FAM168A: variants seen among roughly 807,000 people sequenced by gnomAD.
The protein encoded by FAM168A is family with sequence similarity 168 member A.
A neutral mutation model predicts 28.5 loss-of-function variants in FAM168A; 3 were observed. The ratio of observed to expected loss-of-function variants is 0.11; its 90% CI spans 0.05 to 0.27. The LOEUF (loss-of-function observed/expected upper bound fraction) is 0.27. Ranked by LOEUF, FAM168A falls within the 10% of genes least tolerant of loss-of-function variation. The pLI, the probability that FAM168A is intolerant of heterozygous loss-of-function variation, is 1.00. For missense variants in FAM168A, 222 were observed against 311.5 expected, an observed-to-expected ratio of 0.71 and a Z score of 2.16; for synonymous variants, 122 against 124.2, an observed-to-expected ratio of 0.98 and a Z score of 0.12.
intron 1 of FAM168A, among the ~76,000 whole-genome samples, chr11:73,570,704 A>G (rs545171431): frequency 6.6e-6 from 1 of 151,682 alleles, no homozygotes; most frequent in Admixed American, 6.6e-5. Flanking sequence ...ACTGTACTCC[A>G]GCCTGGGTGA....
At chr11:73,500,603 A>C (rs1854991149) in intron 1 of FAM168A, among the ~76,000 whole-genome samples, 1 of 152,194 alleles carries the variant, frequency 6.6e-6, no homozygotes, top group Non-Finnish European at 1.5e-5. Context: ...TCATAAGCTA[A>C]GGAGAAATAA....
chr11:73,550,230 T>G (rs899758107), intron 1 of FAM168A, among the ~76,000 whole-genome samples: 1 of 152,126 alleles, frequency 6.6e-6, no homozygotes, highest in African/African-American at 2.4e-5. Context: ...GTAAGAGCTC[T>G]AAGATAGAGA....
At chr11:73,544,772 T>TATATATTTTATATGTAATTATATATA (rs1565291434) in intron 1 of FAM168A, among the ~76,000 whole-genome samples, 1 of 103,562 alleles carries the variant, frequency 9.7e-6, no homozygotes, top group African/African-American at 4.9e-5. Context: ...TATATATAAT[T>TATATATTTTATATGTAATTATATATA]ATATATAATT....
At chr11:73,461,893 T>A (rs921038307) in intron 2 of FAM168A, among the ~76,000 whole-genome samples, 2 of 151,950 alleles carry the variant, frequency 1.3e-5, no homozygotes, top group African/African-American at 2.4e-5. Context: ...GTAAAGGAGG[T>A]TTTTTAAAAA....
At chr11:73,502,159 C>T (rs1226851520) in intron 1 of FAM168A, among the ~76,000 whole-genome samples, 1 of 140,132 alleles carries the variant, frequency 7.1e-6, no homozygotes, top group East Asian at 2.1e-4. Context: ...CAGAGAAGAA[C>T]TGCAGGAGCT....
At chr11:73,469,535 A>T (rs898220226) in intron 1 of FAM168A, among the ~76,000 whole-genome samples, 1 of 152,190 alleles carries the variant, frequency 6.6e-6, no homozygotes, top group Non-Finnish European at 1.5e-5. Context: ...TTCAAAAATG[A>T]GATGTGGAGA....
At chr11:73,543,673 T>C (rs1194679188) in intron 1 of FAM168A, among the ~76,000 whole-genome samples, 1 of 152,210 alleles carries the variant, frequency 6.6e-6, no homozygotes, top group East Asian at 1.9e-4. Context: ...GTACTTTCAA[T>C]TTAACCTGAT....
intron 1 of FAM168A, among the ~76,000 whole-genome samples, chr11:73,547,085 GA>G (rs953416694): frequency 0.05 from 2,678 of 53,514 alleles, 84 homozygotes; most frequent in African/African-American, 0.15. Context: ...AGAAGTTCAA[GA>G]AAAAAAAAAA....
intron 2 of FAM168A, among the ~76,000 whole-genome samples, chr11:73,465,141 A>T (rs1053530051): frequency 6.6e-6 from 1 of 151,320 alleles, no homozygotes; most frequent in Non-Finnish European, 1.5e-5. Flanking sequence ...TCCATTTTAC[A>T]GTCAAGGAAA....
intron 1 of FAM168A, among the ~76,000 whole-genome samples, chr11:73,513,205 A>ATTTTTTTTTTTTTTTTTTTTTTT (rs1046600591): frequency 9.1e-6 from 1 of 109,378 alleles, no homozygotes; most frequent in Non-Finnish European, 1.8e-5. Flanking sequence ...TTTTTTTTTA[A>ATTTTTTTTTTTTTTTTTTTTTTT]TTTTTTTTTT....
intron 1 of FAM168A, among the ~76,000 whole-genome samples, chr11:73,473,883 G>A (rs1179854824): frequency 1.3e-5 from 2 of 150,640 alleles, no homozygotes; most frequent in African/African-American, 2.4e-5. Flanking sequence ...GCGCAATCTC[G>A]GCTCACTGCA....
At chr11:73,458,893 A>G (rs1305077413) in intron 2 of FAM168A, among the ~76,000 whole-genome samples, 4 of 152,206 alleles carry the variant, frequency 2.6e-5, no homozygotes, top group African/African-American at 7.2e-5. Context: ...TACAGGCGTG[A>G]GCCACTGCAC....
At chr11:73,416,723 C>T (rs762700837) in intron 4 of FAM168A, among the ~76,000 whole-genome samples, 1 of 152,070 alleles carries the variant, frequency 6.6e-6, no homozygotes, top group Non-Finnish European at 1.5e-5. Context: ...GGTGGGCAGA[C>T]AGCTTGAGCC....
chr11:73,418,250 G>A (rs1866729715), intron 4 of FAM168A, among the ~76,000 whole-genome samples: 1 of 152,210 alleles, frequency 6.6e-6, no homozygotes, highest in Non-Finnish European at 1.5e-5. Flanking sequence ...GGCCTGCTGG[G>A]AGGTACTGGA....
rs572894161 is a variant in FAM168A, at chr11:73,473,745, T to C, written c.-18-5253A>G. The stretch of plus-strand genomic sequence containing the variant: ...TGTTCAAATGTCACCTTATCAGAAA[T>C]GCCTTCCTTAACCAACTTATCTAAA... On this transcript the variant is annotated intron_variant, in intron 1 of 7. Transcript: ENST00000356467. Among the ~76,000 whole-genome samples the C allele has an allele frequency of 1.2e-4, 18 of 152,190 alleles. No individual in the cohort carries two copies. The South Asian group carries it at 3.5e-3, about 30-fold the overall frequency.
intron 7 of FAM168A, among the ~76,000 whole-genome samples, chr11:73,407,257 T>C (rs941143165): frequency 6.6e-6 from 1 of 152,220 alleles, no homozygotes; most frequent in Non-Finnish European, 1.5e-5. Flanking sequence ...AGAGCAACTA[T>C]AAGGATTATG....
At chr11:73,433,678 T>C (rs1053219568) in intron 2 of FAM168A, among the ~76,000 whole-genome samples, 6 of 152,174 alleles carry the variant, frequency 3.9e-5, no homozygotes, top group African/African-American at 1.2e-4. Context: ...CTTTATGATA[T>C]TCCGTATGTA....
chr11:73,512,534 C>T (rs746620094), intron 1 of FAM168A, among the ~76,000 whole-genome samples: 1 of 151,742 alleles, frequency 6.6e-6, no homozygotes. Flanking sequence ...GAATTGTGTA[C>T]TTTCAAAGGG....
chr11:73,491,809 T>A (rs547680952), intron 1 of FAM168A, among the ~76,000 whole-genome samples: 114 of 152,304 alleles, frequency 7.5e-4, no homozygotes, highest in African/African-American at 2.7e-3. Flanking sequence ...CCAACATTCA[T>A]AATCCCCAAT....
Sources: allele counts gnomAD v4.1 joint callset (sites outside exome capture counted in the v4.1 genomes callset), GRCh38; gene constraint gnomAD v4.1.1; transcripts MANE v1.5; gene names NCBI Gene and HGNC (gene_info 2026-07-23, HGNC 2026-07-21).